Variants in VTI1A observed in about 807,000 individuals in gnomAD.
The protein encoded by VTI1A is vesicle transport through interaction with t-SNAREs 1A.
Under a neutral mutation model 34.9 loss-of-function variants are expected in VTI1A, and 22 were observed. That is an observed-to-expected ratio of 0.63 (90% CI 0.45 to 0.90). VTI1A has a LOEUF of 0.90. Ranked by LOEUF, VTI1A falls within the 40% of genes least tolerant of loss-of-function variation. The pLI is 0.00. For missense variants in VTI1A, 268 were observed against 275.6 expected, an observed-to-expected ratio of 0.97 and a Z score of 0.20; for synonymous variants, 87 against 97.3, an observed-to-expected ratio of 0.89 and a Z score of 0.62.
intron 5 of VTI1A, among the ~76,000 whole-genome samples, chr10:112,557,557 A>T (rs1020954740): frequency 1.3e-5 from 2 of 152,232 alleles, no homozygotes; most frequent in African/African-American, 4.8e-5. Context: ...CATTTTATGC[A>T]GGTGATTATA....
At chr10:112,690,747 T>G (rs1353118918) in intron 7 of VTI1A, among the ~76,000 whole-genome samples, 1 of 152,236 alleles carries the variant, frequency 6.6e-6, no homozygotes, top group African/African-American at 2.4e-5. Context: ...ATATAGAGCA[T>G]GTGAAGCATC....
At chr10:112,743,578 A>G (rs2133980160) in intron 7 of VTI1A, among the ~76,000 whole-genome samples, 1 of 152,200 alleles carries the variant, frequency 6.6e-6, no homozygotes. Flanking sequence ...AGCGCCCTTT[A>G]GACATATTCA....
intron 3 of VTI1A, among the ~76,000 whole-genome samples, chr10:112,524,664 CT>C (rs1245029013): frequency 1.3e-5 from 2 of 152,094 alleles, no homozygotes; most frequent in African/African-American, 4.8e-5. Context: ...TAATTTTCTC[CT>C]TTTGAAGTAT....
intron 7 of VTI1A, among the ~76,000 whole-genome samples, chr10:112,810,910 G>T (rs1456314444): frequency 1.3e-5 from 2 of 151,652 alleles, no homozygotes; most frequent in East Asian, 3.9e-4. Context: ...GTCAGAAGAG[G>T]TTCCCAGCTT....
intron 5 of VTI1A, among the ~76,000 whole-genome samples, chr10:112,592,302 T>G (rs1346869884): frequency 1.3e-5 from 2 of 152,118 alleles, no homozygotes; most frequent in East Asian, 3.9e-4. Context: ...ATGTACTGTT[T>G]TAAGCCACCG....
intron 5 of VTI1A, among the ~76,000 whole-genome samples, chr10:112,554,119 A>G (rs959942426): frequency 3.9e-5 from 6 of 152,166 alleles, no homozygotes; most frequent in African/African-American, 1.2e-4. Flanking sequence ...TCTACTAGAC[A>G]TTTATCTTTA....
chr10:112,695,260 A>G (rs895562719), intron 7 of VTI1A, among the ~76,000 whole-genome samples: 10 of 152,194 alleles, frequency 6.6e-5, no homozygotes, highest in Admixed American at 2.6e-4. Flanking sequence ...AAAAAGTTCA[A>G]TATTTCTAAT....
At chr10:112,656,521 ATTTTTTTTT>A (rs768159688) in intron 5 of VTI1A, among the ~76,000 whole-genome samples, 1 of 103,212 alleles carries the variant, frequency 9.7e-6, no homozygotes, top group African/African-American at 3.6e-5. Context: ...CACCCAGATA[ATTTTTTTTT>A]TTTTTTTTTT....
intron 7 of VTI1A, among the ~76,000 whole-genome samples, chr10:112,789,981 G>A (rs1346573554): frequency 1.5e-5 from 2 of 137,416 alleles, no homozygotes; most frequent in African/African-American, 5.4e-5. Context: ...TTGTTATCAT[G>A]TCATTTTTTT....
In VTI1A at chr10:112,465,159, T is replaced by C. The variant is rs1305420730; in HGVS notation, c.264+502T>C. On this transcript the variant is annotated intron_variant, in intron 3 of 7. Transcript: ENST00000393077. Reference sequence around the variant, plus strand: ...AAAAGATAAAAGAAACCACTTTCAATTGACAGTTTATATGTGATCCTTTTT... The same window carrying C: ...AAAAGATAAAAGAAACCACTTTCAACTGACAGTTTATATGTGATCCTTTTT... Among the ~76,000 whole-genome samples the C allele has an allele frequency of 3.9e-5, 6 of 152,238 alleles. 1 individual carries two copies. The East Asian group carries it at 1.2e-3, about 29-fold the overall frequency.
intron 5 of VTI1A, among the ~76,000 whole-genome samples, chr10:112,564,985 G>T (rs576919600): frequency 7.6e-4 from 116 of 152,136 alleles, no homozygotes; most frequent in Non-Finnish European, 1.3e-3. Context: ...GTTAAAAAAA[G>T]TGGTGGGAGC....
intron 5 of VTI1A, among the ~76,000 whole-genome samples, chr10:112,595,917 G>A (rs187326925): frequency 3.3e-5 from 5 of 152,290 alleles, no homozygotes; most frequent in Admixed American, 3.3e-4. Flanking sequence ...CAACCCAAAT[G>A]TCCAACAATG....
rs142742995 is a variant in VTI1A, at chr10:112,506,048, C to T, written c.265-21039C>T. 2.3e-3 allele frequency among the ~76,000 whole-genome samples: 353 copies of T among 151,974 alleles called. 3 individuals are homozygous for T. Among genetic ancestry groups the T allele is most frequent in the African/African-American group, 8.1e-3 (335 of 41,450 alleles). The stretch of plus-strand genomic sequence containing the variant: ...GTATATACAGTCATGTGTTGCTTAA[C>T]GACAGGAGAATGTTCTGAGAAATAT... On this transcript the variant is annotated intron_variant, in intron 3 of 7. Transcript: ENST00000393077.
In VTI1A at chr10:112,543,855, A is replaced by C. The variant is rs569988114; in HGVS notation, c.427+5525A>C. Among the ~76,000 whole-genome samples, 8 of 152,284 alleles carry C rather than the reference A, an allele frequency of 5.3e-5. No individual in the cohort carries two copies. In the South Asian group the frequency reaches 1.7e-3, roughly 32 times the overall value. On this transcript the variant is annotated intron_variant, in intron 5 of 7. Transcript: ENST00000393077. ...TAATCCATCTTGAATTAATTTTTGT[A>C]TAAGGTGTAAGGAAGGGATCCAGTT...
At chr10:112,712,205 G>C (rs1849441907) in intron 7 of VTI1A, among the ~76,000 whole-genome samples, 1 of 152,030 alleles carries the variant, frequency 6.6e-6, no homozygotes, top group Non-Finnish European at 1.5e-5. Flanking sequence ...CAGCCAAAAA[G>C]TTGTAGGTGT....
chr10:112,469,088 T>C (rs1328653218), intron 3 of VTI1A, among the ~76,000 whole-genome samples: 1 of 152,228 alleles, frequency 6.6e-6, no homozygotes, highest in Non-Finnish European at 1.5e-5. Flanking sequence ...AGAGTCCTCA[T>C]TGCCTGCTGA....
intron 5 of VTI1A, among the ~76,000 whole-genome samples, chr10:112,617,824 A>G (rs975149839): frequency 6.6e-6 from 1 of 152,214 alleles, no homozygotes; most frequent in African/African-American, 2.4e-5. Context: ...ATTTACAACT[A>G]CAAAGTAGAA....
intron 5 of VTI1A, among the ~76,000 whole-genome samples, chr10:112,553,800 C>T (rs1851452153): frequency 6.6e-6 from 1 of 152,214 alleles, no homozygotes; most frequent in African/African-American, 2.4e-5. Context: ...CTGGGAAGTA[C>T]AGTTCCAACT....
chr10:112,638,493 AT>A (rs1846448136), intron 5 of VTI1A, among the ~76,000 whole-genome samples: 1 of 152,206 alleles, frequency 6.6e-6, no homozygotes, highest in African/African-American at 2.4e-5. Flanking sequence ...ATATTTATTT[AT>A]CTTATAACAA....
Sources: gnomAD v4.1 joint callset for allele counts (sites outside exome capture counted in the v4.1 genomes callset) on GRCh38, gnomAD v4.1.1 for gene constraint, MANE v1.5 for transcripts, NCBI Gene and HGNC (gene_info 2026-07-23, HGNC 2026-07-21) for gene names.